ARHGAP32: variants seen among roughly 807,000 people sequenced by gnomAD.
ARHGAP32 encodes the protein rho GTPase-activating protein 32.
Under a neutral mutation model 186.5 loss-of-function variants are expected in ARHGAP32, and 51 were observed. The observed-to-expected ratio is 0.27, with a 90% CI of 0.22 to 0.35. The LOEUF (loss-of-function observed/expected upper bound fraction) is 0.35. ARHGAP32 is among the 10% of genes least tolerant of loss of function. The pLI is 1.00. For missense variants in ARHGAP32, 2,186 were observed against 2,623.5 expected (o/e 0.83, Z 3.64); for synonymous variants, 950 against 964.3 (o/e 0.99, Z 0.27).
At chr11:129,066,401 T>C (rs927837575) in intron 7 of ARHGAP32, among the ~76,000 whole-genome samples, 8 of 152,088 alleles carry the variant, frequency 5.3e-5, no homozygotes, top group Admixed American at 6.6e-5. Flanking sequence ...TACTCAACAC[T>C]GTTAATATGG....
chr11:129,024,349 G>A (rs1426300740), intron 11 of ARHGAP32, among the ~76,000 whole-genome samples: 1 of 152,186 alleles, frequency 6.6e-6, no homozygotes, highest in Non-Finnish European at 1.5e-5. Context: ...CTTTTTAAAA[G>A]TTAATTGCTT....
chr11:129,106,363 C>T (rs1004559697), intron 5 of ARHGAP32, among the ~76,000 whole-genome samples: 1 of 152,040 alleles, frequency 6.6e-6, no homozygotes, highest in African/African-American at 2.4e-5. Context: ...AAAACCACGT[C>T]CTTTGCAGCA....
intron 6 of ARHGAP32, among the ~76,000 whole-genome samples, chr11:129,083,173 T>C (rs1484354145): frequency 1.3e-5 from 2 of 152,182 alleles, no homozygotes; most frequent in Non-Finnish European, 2.9e-5. Context: ...GAAAACAGTG[T>C]GGACATTCCT....
chr11:129,218,782 A>G (rs540434942), intron 1 of ARHGAP32, among the ~76,000 whole-genome samples: 2 of 152,294 alleles, frequency 1.3e-5, no homozygotes, highest in African/African-American at 4.8e-5. Context: ...TGCCTAGCCA[A>G]TGAAAAAGTA....
rs781495977 is a variant in ARHGAP32 at position 128,969,134 on chromosome 11, G to A, written c.6079C>T (p.Arg2027Cys). Reference protein sequence around the residue: ...VLYQYQPHGKRQSSVTVVSQY... With the variant: ...VLYQYQPHGKCQSSVTVVSQY... The stretch of plus-strand genomic sequence containing the variant: ...GACACAACAGTCACACTGCTCTGGC[G>A]CTTGCCGTGTGGTTGGTACTGGTAC... Residue 2027 changes from arginine (R) to cysteine (C), a missense_variant, in exon 23 of 23, where the codon CGC becomes TGC. This residue lies in a region of ARHGAP32 where 1,502 missense variants were observed against 1,570.0 expected (regional missense o/e 0.96). Transcript: ENST00000682385. This position sits in a 1 kb window ranked among gnomAD's most constrained non-coding sequence, Gnocchi z 4.8. 117 of 1,606,816 alleles carry A rather than the reference G, an allele frequency of 7.3e-5. No individual in the cohort carries two copies. Among genetic ancestry groups the A allele is most frequent in the East Asian group, 1.1e-4 (5 of 44,726 alleles).
intron 6 of ARHGAP32, among the ~76,000 whole-genome samples, chr11:129,093,347 G>A (rs933859126): frequency 7.9e-5 from 12 of 152,008 alleles, no homozygotes; most frequent in African/African-American, 2.4e-5. Context: ...AAAGCCTTAG[G>A]AACTTTCTAA....
At chr11:129,246,668 T>G (rs924665902) in intron 1 of ARHGAP32, among the ~76,000 whole-genome samples, 1 of 152,218 alleles carries the variant, frequency 6.6e-6, no homozygotes, top group East Asian at 1.9e-4. Context: ...TAGACTATTT[T>G]TGACTATAGG....
At chr11:128,982,276 A>G (rs1170176395) in intron 15 of ARHGAP32, among the ~76,000 whole-genome samples, 2 of 152,346 alleles carry the variant, frequency 1.3e-5, no homozygotes, top group East Asian at 3.9e-4. Flanking sequence ...AATAGGCATC[A>G]AGGGGAGAAT....
chr11:128,986,156 G>T, intron 14 of ARHGAP32, 71 bp from the exon 15 acceptor site: 1 of 1,190,472 alleles, frequency 8.4e-7, no homozygotes, highest in Non-Finnish European at 1.2e-6. Context: ...TTACAATTCA[G>T]TTTTCACTCT....
At chr11:129,180,114 A>G (rs1472904430) in intron 1 of ARHGAP32, among the ~76,000 whole-genome samples, 1 of 152,186 alleles carries the variant, frequency 6.6e-6, no homozygotes, top group African/African-American at 2.4e-5. Flanking sequence ...ACCACTATAT[A>G]CAATTATTTA....
At chr11:129,046,692 C>T (rs1424351567) in intron 10 of ARHGAP32, among the ~76,000 whole-genome samples, 3 of 152,126 alleles carry the variant, frequency 2.0e-5, no homozygotes, top group African/African-American at 7.2e-5. Flanking sequence ...GAAACTACTG[C>T]AATAAAATAA....
intron 11 of ARHGAP32, among the ~76,000 whole-genome samples, chr11:129,032,890 C>T (rs1226623647): frequency 6.6e-6 from 1 of 152,118 alleles, no homozygotes; most frequent in African/African-American, 2.4e-5. Flanking sequence ...AGAACATTAC[C>T]AGTACTCCAG....
intron 15 of ARHGAP32, among the ~76,000 whole-genome samples, chr11:128,985,117 T>C (rs1255144416): frequency 6.6e-6 from 1 of 152,110 alleles, no homozygotes; most frequent in African/African-American, 2.4e-5. Context: ...CCTCCCAAGT[T>C]CAAGTGATTC....
At chr11:129,153,535 AG>A (rs1190173788) in intron 2 of ARHGAP32, among the ~76,000 whole-genome samples, 5 of 152,178 alleles carry the variant, frequency 3.3e-5, no homozygotes, top group African/African-American at 1.2e-4. Flanking sequence ...ATTTAAAAAA[AG>A]GCATGTAGAC....
At chr11:129,003,078 G>A (rs559200550) in intron 11 of ARHGAP32, among the ~76,000 whole-genome samples, 31 of 152,280 alleles carry the variant, frequency 2.0e-4, no homozygotes, top group African/African-American at 7.2e-4. Flanking sequence ...TTACAGGCGT[G>A]AGCCACCGTG....
intron 2 of ARHGAP32, among the ~76,000 whole-genome samples, chr11:129,134,343 G>A (rs1325878439): frequency 1.3e-5 from 2 of 152,162 alleles, no homozygotes; most frequent in Non-Finnish European, 2.9e-5. Flanking sequence ...AGAGAAGGAT[G>A]TATGTACCAC....
chr11:129,182,183 GAATA>G (rs1944069688), intron 1 of ARHGAP32, among the ~76,000 whole-genome samples: 1 of 151,988 alleles, frequency 6.6e-6, no homozygotes, highest in South Asian at 2.1e-4. Flanking sequence ...ATGAGTACTT[GAATA>G]AATTCTTTCC....
chr11:129,014,322 G>A (rs541234005), intron 11 of ARHGAP32, among the ~76,000 whole-genome samples: 9 of 152,232 alleles, frequency 5.9e-5, no homozygotes, highest in South Asian at 2.1e-4. Flanking sequence ...CATGCAGTTC[G>A]TTAAGCCATA....
At chr11:129,193,618 T>TTA (rs1944332072), upstream of ARHGAP32, among the ~76,000 whole-genome samples, 4 of 57,178 alleles carry the variant, frequency 7.0e-5, no homozygotes, top group Non-Finnish European at 1.0e-4. Flanking sequence ...ATAATATATG[T>TTA]TATATAATAT....
Sources: gnomAD v4.1 joint callset for allele counts (sites outside exome capture counted in the v4.1 genomes callset) on GRCh38, gnomAD v4.1.1 for gene constraint, gnomAD v4.1.1 regional missense constraint, Gnocchi (gnomAD v3.1) non-coding constraint, MANE v1.5 for transcripts, NCBI Gene and HGNC (gene_info 2026-07-23, HGNC 2026-07-21) for gene names.